AMER3: variants seen among roughly 807,000 people sequenced by gnomAD.
AMER3 encodes family with sequence similarity 123C.
For missense variants in AMER3, 1,201 were observed against 1,139.4 expected (o/e 1.05, Z -0.78); for synonymous variants, 541 against 485.5 (o/e 1.11, Z -1.50).
At chr2:130,759,773 A>G (rs1453353059) in intron 1 of AMER3, among the ~76,000 whole-genome samples, 2 of 152,196 alleles carry the variant, frequency 1.3e-5, no homozygotes, top group African/African-American at 4.8e-5. Context: ...TCAGATCCCA[A>G]CTCTGTCACT....
chr2:130,757,828 TG>T (rs1348552503), intron 1 of AMER3, among the ~76,000 whole-genome samples: 3 of 152,198 alleles, frequency 2.0e-5, no homozygotes, highest in Admixed American at 6.5e-5. Context: ...GTGTCAATGC[TG>T]TCTTAAAAAA....
chr2:130,757,638 C>A (rs1242278864), intron 1 of AMER3, among the ~76,000 whole-genome samples: 1 of 152,204 alleles, frequency 6.6e-6, no homozygotes, highest in Non-Finnish European at 1.5e-5. Flanking sequence ...GAAGGGTGTT[C>A]TCTCTGCCTG....
rs1678843857 is a variant in AMER3, at chr2:130,762,976, G to C, written c.904G>C (p.Glu302Gln). 6.2e-7 allele frequency: 1 copy of C among 1,613,116 alleles called. No homozygotes were observed. The highest frequency in any genetic ancestry group is 1.3e-5 in the African/African-American group (1 of 74,900). Residue 302 changes from glutamate to glutamine, a missense_variant, in exon 2 of 2, where the codon GAA becomes CAA. Glu to Gln is a conservative substitution (Grantham distance 29). Coordinates refer to ENST00000321420, the MANE Select transcript of AMER3 (RefSeq NM_152698.3). ...VEQLASPAQNEASDFTRFWDS... is the reference protein window; with the variant it reads ...VEQLASPAQNQASDFTRFWDS... Reference sequence around the variant, plus strand: ...GCAGCTGGCCTCGCCCGCCCAGAATGAAGCCTCTGACTTCACCAGGTTCTG... The same window carrying C: ...GCAGCTGGCCTCGCCCGCCCAGAATCAAGCCTCTGACTTCACCAGGTTCTG...
In AMER3 at chr2:130,764,741, TC is replaced by T. The variant is rs1463100052; in HGVS notation, c.*86del. On this transcript the variant is annotated 3_prime_UTR_variant, in exon 2 of 2. Coordinates refer to ENST00000321420, the MANE Select transcript of AMER3 (RefSeq NM_152698.3). ...CTAGGACTCAAATCTCTATCTTTTG[TC>T]CCTGATGTGGGGACTGTGTTGGGGG... The T allele has an allele frequency of 2.2e-6, 3 of 1,381,012 alleles. No individual in the cohort carries two copies. The African/African-American group carries it at 4.4e-5, about 20-fold the overall frequency. 85.5% of individuals were successfully genotyped at this position (1,381,012 alleles called of 1,614,324 possible). A position where few individuals can be genotyped will look rare whatever the true frequency, so the allele number is the denominator to read the frequency against.
chr2:130,756,641 C>T (rs1211227012), intron 1 of AMER3, among the ~76,000 whole-genome samples: 1 of 152,136 alleles, frequency 6.6e-6, no homozygotes, highest in South Asian at 2.1e-4. Context: ...GCCAATATCG[C>T]TGTGAGGCCC....
At chr2:130,758,689 G>T (rs566974313) in intron 1 of AMER3, among the ~76,000 whole-genome samples, 1 of 152,302 alleles carries the variant, frequency 6.6e-6, no homozygotes, top group Non-Finnish European at 1.5e-5. Context: ...ATGAATAGTT[G>T]GTGGTTGCTG....
At position 130,767,932 on chromosome 2, in the gene AMER3, C is replaced by T. The variant is rs72855000; in HGVS notation, c.*3274C>T. 7,848 of 167,182 alleles carry T rather than the reference C, an allele frequency of 0.047. 402 individuals carry two copies. Among genetic ancestry groups the T allele is most frequent in the African/African-American group, 0.13 (5,370 of 41,510 alleles). 10.4% of individuals were successfully genotyped at this position (167,182 alleles called of 1,614,324 possible). On this transcript the variant is annotated 3_prime_UTR_variant, in exon 2 of 2. Coordinates refer to ENST00000321420, the MANE Select transcript of AMER3 (RefSeq NM_152698.3). ...TCTCACTGAGCTCCTGCAGTGAAGT[C>T]CCCCCTCAGAGCCCTCAGCCCTTCC... is the stretch of plus-strand genomic sequence containing the variant.
chr2:130,762,168 G>A lies in AMER3; in HGVS notation c.96G>A (p.Glu32=). ...CAGCAGCCGTGGCTGCAGCCAGGGA[G>A]GGGACAGGCCCCTGGTCAGTCCTTC... is the stretch of plus-strand genomic sequence containing the variant. ...PDPAAVAAAR[E]GTGPWSVLPG... The change falls in exon 2 of 2, where the codon GAG becomes GAA. Residue 32 remains glutamate (E), a synonymous_variant. Transcript: ENST00000321420. 6.2e-7 allele frequency: 1 copy of A among 1,604,558 alleles called. No homozygotes were observed. The highest frequency in any genetic ancestry group is 1.3e-5 in the African/African-American group (1 of 74,938).
At position 130,763,447 on chromosome 2, in the gene AMER3, A is replaced by G; in HGVS notation, c.1375A>G (p.Ile459Val). ...SGPALGTPLS[I>V]CSFRVGAEEN... ...GCCGGCCCTGGGGACGCCACTGTCC[A>G]TATGCAGCTTCCGAGTGGGGGCCGA... Residue 459 changes from isoleucine (I) to valine (V), a missense_variant, in exon 2 of 2, where the codon ATA becomes GTA. Transcript: ENST00000321420. 1 of 1,612,928 alleles carries G rather than the reference A, an allele frequency of 6.2e-7. No homozygotes were observed.
In AMER3 at chr2:130,762,377, G is replaced by A. The variant is rs1402548036; in HGVS notation, c.305G>A (p.Gly102Asp). The part of the protein sequence containing the change: ...CKTHDSMSGA[G>D]RATAATGQLV... ...ACTCACGACAGCATGTCTGGGGCAG[G>A]CAGGGCCACGGCTGCCACAGGGCAG... Residue 102 changes from glycine to aspartate, a missense_variant, in exon 2 of 2, where the codon GGC becomes GAC. Transcript: ENST00000321420. 1 of 1,611,338 alleles carries A rather than the reference G, an allele frequency of 6.2e-7. No individual in the cohort carries two copies. Among genetic ancestry groups the A allele is most frequent in the South Asian group, 1.1e-5 (1 of 90,992 alleles).
In AMER3 at chr2:130,763,181, G is replaced by A. The variant is rs753138909; in HGVS notation, c.1109G>A (p.Gly370Asp). The A allele has an allele frequency of 1.2e-6, 2 of 1,613,586 alleles. No individual in the cohort carries two copies. Among genetic ancestry groups the A allele is most frequent in the Non-Finnish European group, 1.7e-6 (2 of 1,180,006 alleles). ...SGSKASSIDT[G>D]TPKSEQPESV... ...TCCAAAGCCAGCTCCATCGACACAG[G>A]CACCCCCAAGAGCGAGCAGCCCGAA... The change falls in exon 2 of 2, where the codon GGC becomes GAC. Residue 370 changes from glycine (G) to aspartate (D), a missense_variant. Physicochemically the swap from Gly to Asp is moderately conservative, Grantham distance 94 (BLOSUM62 -1). Transcript: ENST00000321420.
chr2:130,757,449 C>T (rs2104771745), intron 1 of AMER3, among the ~76,000 whole-genome samples: 1 of 152,288 alleles, frequency 6.6e-6, no homozygotes, highest in Admixed American at 6.5e-5. Context: ...GTCACTTGCC[C>T]TGGAAGGTTG....
chr2:130,763,125 C>T lies in AMER3; in HGVS notation c.1053C>T (p.Pro351=). The change falls in exon 2 of 2, where the codon CCC becomes CCT. Residue 351 remains proline, a synonymous_variant. Coordinates refer to ENST00000321420, the MANE Select transcript of AMER3 (RefSeq NM_152698.3). ...RLDTAGLAEL[P]LCPCRDPRSG... is the part of the protein sequence containing the mutation. ...ACACAGCTGGGCTCGCTGAGCTGCC[C>T]CTCTGCCCCTGCAGGGACCCTCGCA... 1 of 1,613,068 alleles carries T rather than the reference C, an allele frequency of 6.2e-7. No individual in the cohort carries two copies. Among genetic ancestry groups the T allele is most frequent in the Non-Finnish European group, 8.5e-7 (1 of 1,179,718 alleles).
intron 1 of AMER3, among the ~76,000 whole-genome samples, chr2:130,757,182 C>A (rs1345581006): frequency 6.6e-6 from 1 of 152,090 alleles, no homozygotes; most frequent in African/African-American, 2.4e-5. Context: ...ATTACCTTCT[C>A]AAAGGAAAAA....
In AMER3 at chr2:130,763,804, C is replaced by T; in HGVS notation, c.1732C>T (p.Leu578Phe). 6.2e-7 allele frequency: 1 copy of T among 1,611,634 alleles called. No individual in the cohort carries two copies. The highest frequency in any genetic ancestry group is 2.2e-5 in the East Asian group (1 of 44,842). The change falls in exon 2 of 2, where the codon CTC (leucine) becomes TTC (phenylalanine). Residue 578 changes from leucine (L) to phenylalanine (F), a missense_variant. Physicochemically the swap from Leu to Phe is conservative, Grantham distance 22. Coordinates refer to ENST00000321420, the MANE Select transcript of AMER3 (RefSeq NM_152698.3). ...LWAHPGTTGLLAGESKALGGA... is the reference protein window; with the variant it reads ...LWAHPGTTGLFAGESKALGGA... Reference sequence around the variant, plus strand: ...GGCACACCCGGGCACCACAGGCCTGCTCGCCGGAGAGAGCAAGGCCCTCGG... The same window carrying T: ...GGCACACCCGGGCACCACAGGCCTGTTCGCCGGAGAGAGCAAGGCCCTCGG...
Position 130,762,242 on chromosome 2 carries a change from C to T in AMER3, c.170C>T (p.Pro57Leu). Residue 57 changes from proline to leucine, a missense_variant, in exon 2 of 2, where the codon CCC becomes CTC. Coordinates refer to ENST00000321420, the MANE Select transcript of AMER3 (RefSeq NM_152698.3). ...AGTGAGAAGGGCCCCCAAGCCAGCC[C>T]CAGTGCCCAAGAATACGACAGATGC... Reference protein sequence around the residue: ...PHSEKGPQASPSAQEYDRCPN... With the variant: ...PHSEKGPQASLSAQEYDRCPN... 3.8e-6 allele frequency: 6 copies of T among 1,578,524 alleles called. No individual in the cohort carries two copies. Among genetic ancestry groups the T allele is most frequent in the Non-Finnish European group, 5.2e-6 (6 of 1,163,000 alleles).
rs770181583 is a variant in AMER3, at chr2:130,763,441, C to A, written c.1369C>A (p.Leu457Met). The change falls in exon 2 of 2, where the codon CTG (leucine) becomes ATG (methionine). Residue 457 changes from leucine (L) to methionine (M), a missense_variant. Coordinates refer to ENST00000321420, the MANE Select transcript of AMER3 (RefSeq NM_152698.3). ...GTCAGGGCCGGCCCTGGGGACGCCACTGTCCATATGCAGCTTCCGAGTGGG... is the reference window on the plus strand; with the variant it reads ...GTCAGGGCCGGCCCTGGGGACGCCAATGTCCATATGCAGCTTCCGAGTGGG... ...SLSGPALGTP[L>M]SICSFRVGAE... The A allele has an allele frequency of 1.9e-6, 3 of 1,613,120 alleles. No homozygotes were observed. The South Asian group carries it at 3.3e-5, about 18-fold the overall frequency.
rs1436089413 is a variant in AMER3 at position 130,764,632 on chromosome 2, C to A, written c.2560C>A (p.Pro854Thr). ...CGQPEVGASGPAMAEPHL is the reference protein window; with the variant it reads ...CGQPEVGASGTAMAEPHL ...CCAGCCAGAAGTGGGGGCCTCTGGGCCAGCCATGGCTGAGCCCCATCTGTA... is the reference window on the plus strand; with the variant it reads ...CCAGCCAGAAGTGGGGGCCTCTGGGACAGCCATGGCTGAGCCCCATCTGTA... Residue 854 changes from proline to threonine, a missense_variant, in exon 2 of 2, where the codon CCA becomes ACA. Pro to Thr is a conservative substitution (Grantham distance 38). Transcript: ENST00000321420. 4.4e-6 allele frequency: 7 copies of A among 1,606,988 alleles called. No homozygotes were observed. In the African/African-American group the frequency reaches 8.0e-5, roughly 18 times the overall value.
At position 130,764,436 on chromosome 2, in the gene AMER3, C is replaced by T. The variant is rs1209194362; in HGVS notation, c.2364C>T (p.Gly788=). 1 of 1,606,942 alleles carries T rather than the reference C, an allele frequency of 6.2e-7. No homozygotes were observed. Among genetic ancestry groups the T allele is most frequent in the African/African-American group, 1.3e-5 (1 of 74,942 alleles). ...AGGCTGTGGAGCAGGTGGCACACGGCAGCCAGCTGGACTCTGAGCCCCGCT... is the reference window on the plus strand; with the variant it reads ...AGGCTGTGGAGCAGGTGGCACACGGTAGCCAGCTGGACTCTGAGCCCCGCT... ...STEAVEQVAH[G]SQLDSEPRSA... The change falls in exon 2 of 2, where the codon GGC becomes GGT. Residue 788 remains glycine (G), a synonymous_variant. Coordinates refer to ENST00000321420, the MANE Select transcript of AMER3 (RefSeq NM_152698.3).
Sources: gnomAD v4.1 joint callset for allele counts (sites outside exome capture counted in the v4.1 genomes callset) on GRCh38, gnomAD v4.1.1 for gene constraint, MANE v1.5 for transcripts, NCBI Gene and HGNC (gene_info 2026-07-23, HGNC 2026-07-21) for gene names.